TMPRSS15: variants seen among roughly 807,000 people sequenced by gnomAD.
TMPRSS15 encodes the protein enteropeptidase.
TMPRSS15 carries 128 observed loss-of-function variants against 125.3 expected under a neutral mutation model. The ratio of observed to expected loss-of-function variants is 1.02; its 90% CI spans 0.89 to 1.18. The LOEUF is 1.18. Among genes scored for constraint, TMPRSS15 ranks in the 50% most tolerant of loss-of-function variants. The pLI is 0.00. For missense variants in TMPRSS15, 1,283 were observed against 1,212.7 expected, an observed-to-expected ratio of 1.06 and a Z score of -0.86; for synonymous variants, 446 against 423.2, an observed-to-expected ratio of 1.05 and a Z score of -0.66.
intron 1 of TMPRSS15, among the ~76,000 whole-genome samples, chr21:18,399,300 C>T (rs995623434): frequency 1.3e-5 from 2 of 152,000 alleles, no homozygotes; most frequent in African/African-American, 4.8e-5. Context: ...CTCTACAACC[C>T]AGGATCTCTA....
intron 16 of TMPRSS15, among the ~76,000 whole-genome samples, chr21:18,323,630 G>A (rs1294093965): frequency 6.6e-6 from 1 of 151,988 alleles, no homozygotes; most frequent in African/African-American, 2.4e-5. Context: ...TCCCTTATCT[G>A]TTAGAGCACA....
intron 1 of TMPRSS15, among the ~76,000 whole-genome samples, chr21:18,467,236 A>G (rs1978683762): frequency 6.6e-6 from 1 of 152,064 alleles, no homozygotes; most frequent in South Asian, 2.1e-4. Context: ...GGAGGGGAAC[A>G]TCACACGCCA....
intron 1 of TMPRSS15, among the ~76,000 whole-genome samples, chr21:18,463,436 C>T (rs2122953873): frequency 2.0e-5 from 3 of 151,880 alleles, no homozygotes; most frequent in African/African-American, 7.3e-5. Context: ...AATATAGGAG[C>T]ACCCAGATTC....
At chr21:18,464,404 C>CT (rs1019372902) in intron 1 of TMPRSS15, among the ~76,000 whole-genome samples, 2 of 151,712 alleles carry the variant, frequency 1.3e-5, no homozygotes, top group Non-Finnish European at 2.9e-5. Flanking sequence ...CAAAAAATAA[C>CT]TAAGATCAGA....
At chr21:18,368,652 G>C (rs571146188) in intron 6 of TMPRSS15, among the ~76,000 whole-genome samples, 1 of 152,054 alleles carries the variant, frequency 6.6e-6, no homozygotes, top group Non-Finnish European at 1.5e-5. Flanking sequence ...ATAGTATTTA[G>C]CCTGTCCTAA....
intron 1 of TMPRSS15, among the ~76,000 whole-genome samples, chr21:18,401,179 C>T (rs1251629907): frequency 6.6e-6 from 1 of 152,126 alleles, no homozygotes; most frequent in Non-Finnish European, 1.5e-5. Flanking sequence ...GGCTATTTCT[C>T]AAAGAACCTA....
At chr21:18,458,552 G>A (rs1978486097) in intron 1 of TMPRSS15, among the ~76,000 whole-genome samples, 1 of 152,110 alleles carries the variant, frequency 6.6e-6, no homozygotes. Flanking sequence ...AAAGTGGTCG[G>A]ACAAAGTGTT....
chr21:18,325,877 C>T (rs113669906), intron 16 of TMPRSS15, among the ~76,000 whole-genome samples: 1,537 of 151,858 alleles, frequency 0.01, 16 homozygotes, highest in Non-Finnish European at 0.016. Flanking sequence ...GAACATGCCG[C>T]TATTTTGTTT....
At chr21:18,402,687 A>G (rs529600863) in intron 1 of TMPRSS15, among the ~76,000 whole-genome samples, 4 of 152,308 alleles carry the variant, frequency 2.6e-5, no homozygotes, top group Admixed American at 1.3e-4. Flanking sequence ...TAAATGAATA[A>G]GTGGTAAGAT....
chr21:18,399,154 A>G (rs2076070532), intron 1 of TMPRSS15, among the ~76,000 whole-genome samples: 1 of 152,088 alleles, frequency 6.6e-6, no homozygotes, highest in South Asian at 2.1e-4. Flanking sequence ...TAATTCTCAC[A>G]ATAATCTGGT....
chr21:18,279,576 T>C (rs923055679), intron 22 of TMPRSS15, among the ~76,000 whole-genome samples: 1 of 151,538 alleles, frequency 6.6e-6, no homozygotes, highest in East Asian at 1.9e-4. Context: ...CCTCGTGATC[T>C]GCCCACCTCG....
At chr21:18,359,345 C>T (rs73893080) in intron 8 of TMPRSS15, among the ~76,000 whole-genome samples, 1 of 151,884 alleles carries the variant, frequency 6.6e-6, no homozygotes, top group Non-Finnish European at 1.5e-5. Context: ...TGCAGGAGAC[C>T]GAGGAGCAGG....
chr21:18,315,184 T>A lies in TMPRSS15; in HGVS notation c.1994A>T (p.His665Leu). 1 of 1,613,916 alleles carries A rather than the reference T, an allele frequency of 6.2e-7. No homozygotes were observed. Among genetic ancestry groups the A allele is most frequent in the Non-Finnish European group, 8.5e-7 (1 of 1,179,990 alleles). ...ATCTGAGCCATCCTCACAGTGCAGA[T>A]GACCGTCACAGAGATTCACCAGTGG... Reference protein sequence around the residue: ...CVPLVNLCDGHLHCEDGSDEA... With the variant: ...CVPLVNLCDGLLHCEDGSDEA... Residue 665 changes from histidine (H) to leucine (L), a missense_variant, in exon 17 of 25, where the codon CAT becomes CTT. His to Leu is a moderately conservative substitution (Grantham distance 99, BLOSUM62 -3). Coordinates refer to ENST00000284885, the MANE Select transcript of TMPRSS15 (RefSeq NM_002772.3).
At chr21:18,401,721 T>C (rs1461428588) in intron 1 of TMPRSS15, among the ~76,000 whole-genome samples, 2 of 152,144 alleles carry the variant, frequency 1.3e-5, no homozygotes, top group Non-Finnish European at 2.9e-5. Context: ...ATGTGCCCCC[T>C]GAATCTAAAA....
chr21:18,438,810 A>G (rs1333169324), intron 1 of TMPRSS15, among the ~76,000 whole-genome samples: 1 of 152,218 alleles, frequency 6.6e-6, no homozygotes, highest in Non-Finnish European at 1.5e-5. Flanking sequence ...TATGAATCAG[A>G]AAACTTTTCT....
At chr21:18,365,319 C>T (rs541943928) in intron 6 of TMPRSS15, 71 bp from the exon 7 acceptor site, 103 of 1,189,940 alleles carry the variant, frequency 8.7e-5, no homozygotes, top group African/African-American at 5.3e-4. Context: ...AAACATTTCA[C>T]AGAATATTCA....
At chr21:18,411,140 T>C (rs1211687569) in intron 1 of TMPRSS15, among the ~76,000 whole-genome samples, 1 of 152,158 alleles carries the variant, frequency 6.6e-6, no homozygotes, top group African/African-American at 2.4e-5. Context: ...CTGCTACTTC[T>C]AGGTTAATCA....
At chr21:18,393,835 A>G (rs1193640757) in intron 3 of TMPRSS15, among the ~76,000 whole-genome samples, 1 of 152,212 alleles carries the variant, frequency 6.6e-6, no homozygotes, top group Non-Finnish European at 1.5e-5. Context: ...TAGCCTATCA[A>G]AACAGAGAGA....
intron 1 of TMPRSS15, among the ~76,000 whole-genome samples, chr21:18,429,034 C>T (rs2076210589): frequency 6.6e-6 from 1 of 152,174 alleles, no homozygotes; most frequent in Non-Finnish European, 1.5e-5. Context: ...CATGGGAACC[C>T]ACCTCTTGCA....
Sources: allele counts gnomAD v4.1 joint callset (sites outside exome capture counted in the v4.1 genomes callset), GRCh38; gene constraint gnomAD v4.1.1; transcripts MANE v1.5; gene names NCBI Gene and HGNC (gene_info 2026-07-23, HGNC 2026-07-21).